The following SCN9A variants were observed in gnomAD, a reference collection of about 807,000 sequenced individuals.
The protein encoded by SCN9A is sodium voltage-gated channel alpha subunit 9, also known as sodium channel protein type 9 subunit alpha.
A neutral mutation model predicts 187.0 loss-of-function variants in SCN9A; 131 were observed. The ratio of observed to expected loss-of-function variants is 0.70; its 90% CI spans 0.61 to 0.81. The LOEUF is 0.81. Ranked by LOEUF, SCN9A falls within the 30% of genes least tolerant of loss-of-function variation. The pLI, the probability that SCN9A is intolerant of heterozygous loss-of-function variation, is 0.00. For synonymous variants in SCN9A, 809 were observed against 808.6 expected (o/e 1.00, Z -0.01); for missense variants, 2,252 against 2,396.6 (o/e 0.94, Z 1.26).
intron 18 of SCN9A, among the ~76,000 whole-genome samples, chr2:166,250,530 A>G (rs900495712): frequency 1.1e-4 from 16 of 152,124 alleles, no homozygotes; most frequent in Non-Finnish European, 2.1e-4. Flanking sequence ...AAATTAGAAC[A>G]TATGTTTATC....
At chr2:166,291,387 T>A (rs1347998233) in intron 9 of SCN9A, among the ~76,000 whole-genome samples, 2 of 151,982 alleles carry the variant, frequency 1.3e-5, no homozygotes, top group Non-Finnish European at 2.9e-5. Flanking sequence ...GAAAGACCTC[T>A]TCAAGAACTA....
chr2:166,240,330 T>G (rs1284263301), intron 19 of SCN9A, among the ~76,000 whole-genome samples: 1 of 152,188 alleles, frequency 6.6e-6, no homozygotes, highest in African/African-American at 2.4e-5. Flanking sequence ...TAAACACGTG[T>G]CATGGGGGTT....
chr2:166,361,588 G>A (rs756013985), intron 1 of SCN9A, among the ~76,000 whole-genome samples: 3 of 152,054 alleles, frequency 2.0e-5, no homozygotes, highest in Non-Finnish European at 4.4e-5. Flanking sequence ...TGAACACACC[G>A]AGGATGTTGA....
chr2:166,226,539 T>C, intron 24 of SCN9A, 28 bp downstream of exon 24: 1 of 1,460,588 alleles, frequency 6.8e-7, no homozygotes, highest in South Asian at 1.4e-5. Context: ...TCCCTTTCAT[T>C]ACAATGAAAA....
At chr2:166,254,748 GC>G (rs1696192073) in intron 17 of SCN9A, among the ~76,000 whole-genome samples, 1 of 151,250 alleles carries the variant, frequency 6.6e-6, no homozygotes, top group South Asian at 2.1e-4. Context: ...AATTTCTTTT[GC>G]TATTATAAAT....
intron 7 of SCN9A, among the ~76,000 whole-genome samples, chr2:166,296,933 C>A (rs1463003071): frequency 6.6e-6 from 1 of 152,082 alleles, no homozygotes; most frequent in Non-Finnish European, 1.5e-5. Context: ...CGCAGTGGCT[C>A]ACGCCTGTAA....
chr2:166,368,313 T>C (rs6714902), intron 1 of SCN9A, among the ~76,000 whole-genome samples: 46,258 of 152,058 alleles, frequency 0.3, 9,619 homozygotes, highest in African/African-American at 0.6. Context: ...AGATGTAAAC[T>C]TTTCCGTATG....
Position 166,365,433 on chromosome 2 carries a change from T to C in SCN9A, c.-51+10264A>G, listed in dbSNP as rs556789899. ...ATCCAGTTAAAAAAGAGCACACTCATCCCTTTCCAAAGTTGTACCCATGCT... is the reference window on the plus strand; with the variant it reads ...ATCCAGTTAAAAAAGAGCACACTCACCCCTTTCCAAAGTTGTACCCATGCT... On this transcript the variant is annotated intron_variant, in intron 1 of 26. Transcript: ENST00000642356. Among the ~76,000 whole-genome samples, 3 of 152,286 alleles carry C rather than the reference T, an allele frequency of 2.0e-5. No individual in the cohort carries two copies. In the South Asian group the frequency reaches 6.2e-4, roughly 32 times the overall value.
At chr2:166,336,602 C>T (rs72884732) in intron 1 of SCN9A, among the ~76,000 whole-genome samples, 6,907 of 152,156 alleles carry the variant, frequency 0.045, 219 homozygotes, top group Non-Finnish European at 0.072. Context: ...TTTAACAATG[C>T]CAGGGTCCTT....
At chr2:166,291,408 C>G (rs181225096) in intron 9 of SCN9A, among the ~76,000 whole-genome samples, 1 of 152,152 alleles carries the variant, frequency 6.6e-6, no homozygotes, top group Non-Finnish European at 1.5e-5. Flanking sequence ...CAAGCCACTA[C>G]TCAAGGAAAC....
intron 1 of SCN9A, among the ~76,000 whole-genome samples, chr2:166,318,920 G>A (rs1699173998): frequency 1.3e-5 from 2 of 152,132 alleles, no homozygotes; most frequent in Non-Finnish European, 2.9e-5. Flanking sequence ...AATAATCCAT[G>A]TTGTTCGACA....
At chr2:166,330,560 G>C (rs552049341) in intron 1 of SCN9A, among the ~76,000 whole-genome samples, 2 of 152,148 alleles carry the variant, frequency 1.3e-5, no homozygotes, top group East Asian at 3.9e-4. Flanking sequence ...TGCTCTCTTA[G>C]TGATAACACC....
intron 1 of SCN9A, among the ~76,000 whole-genome samples, chr2:166,324,229 G>T (rs1174324725): frequency 6.6e-6 from 1 of 151,696 alleles, no homozygotes; most frequent in African/African-American, 2.4e-5. Context: ...GCAGGCAGAG[G>T]TTGCAGTGAG....
chr2:166,293,651 C>G (rs1698177134), intron 8 of SCN9A, among the ~76,000 whole-genome samples: 1 of 152,090 alleles, frequency 6.6e-6, no homozygotes, highest in Admixed American at 6.5e-5. Flanking sequence ...AGCTTACATC[C>G]TGCACATAGA....
chr2:166,366,048 G>A (rs1054695536), intron 1 of SCN9A, among the ~76,000 whole-genome samples: 1 of 152,132 alleles, frequency 6.6e-6, no homozygotes, highest in South Asian at 2.1e-4. Context: ...CTCAGCAGCC[G>A]CTTACCACTG....
intron 1 of SCN9A, among the ~76,000 whole-genome samples, chr2:166,340,489 T>C (rs1394975068): frequency 3.3e-5 from 5 of 150,762 alleles, no homozygotes; most frequent in East Asian, 2.0e-4. Context: ...CTCTTTCTTT[T>C]TTTCTTTCTT....
chr2:166,351,319 A>G (rs908809049), intron 1 of SCN9A, among the ~76,000 whole-genome samples: 15 of 152,332 alleles, frequency 9.8e-5, no homozygotes, highest in South Asian at 8.3e-4. Context: ...ACTGCATACA[A>G]CTTATCATGA....
chr2:166,203,303 C>T (rs1291600056), intron 26 of SCN9A, among the ~76,000 whole-genome samples: 1 of 151,520 alleles, frequency 6.6e-6, no homozygotes, highest in African/African-American at 2.4e-5. Context: ...AAATACAATC[C>T]TAAAATACTT....
chr2:166,221,682 G>C (rs1193815341), intron 24 of SCN9A, among the ~76,000 whole-genome samples: 1 of 152,146 alleles, frequency 6.6e-6, no homozygotes, highest in Non-Finnish European at 1.5e-5. Flanking sequence ...ATAAGCATGA[G>C]CCATTGCACC....
Sources: gnomAD v4.1 joint callset for allele counts (sites outside exome capture counted in the v4.1 genomes callset) on GRCh38, gnomAD v4.1.1 for gene constraint, MANE v1.5 for transcripts, NCBI Gene and HGNC (gene_info 2026-07-23, HGNC 2026-07-21) for gene names.